MRC2: variants seen among roughly 807,000 people sequenced by gnomAD.
The protein encoded by MRC2 is C-type mannose receptor 2.
In MRC2, 84 loss-of-function variants were observed where a neutral mutation model predicts 206.2. That is an observed-to-expected ratio of 0.41 (90% CI 0.34 to 0.49). The LOEUF (loss-of-function observed/expected upper bound fraction) is 0.49, where lower values mean the gene tolerates loss of function less well. Ranked by LOEUF, MRC2 falls within the 20% of genes least tolerant of loss-of-function variation. The pLI, the probability that MRC2 is intolerant of heterozygous loss-of-function variation, is 0.31. For synonymous variants in MRC2, 798 were observed against 800.0 expected, an observed-to-expected ratio of 1.00 and a Z score of 0.04; for missense variants, 1,676 against 2,001.5, an observed-to-expected ratio of 0.84 and a Z score of 3.10.
Position 62,667,581 on chromosome 17 carries a change from G to T in MRC2, c.1117+48G>T. 1 of 1,556,092 alleles carries T rather than the reference G, an allele frequency of 6.4e-7. No homozygotes were observed. The highest frequency in any genetic ancestry group is 2.1e-5 in the Admixed American group (1 of 47,594). ...GGGTGGGGAGGGGCTCCCAGGGCCA[G>T]GGACACAGCCACAGAGCCGTGGCAG... On this transcript the variant is annotated intron_variant, in intron 6 of 29. Transcript: ENST00000303375. The surrounding 1 kb of genome is among the most constrained non-coding windows in gnomAD (Gnocchi z 4.1).
chr17:62,647,659 T>A (rs2088506654), intron 1 of MRC2, among the ~76,000 whole-genome samples: 1 of 152,238 alleles, frequency 6.6e-6, no homozygotes. Flanking sequence ...TTGTAAATAA[T>A]GCTGTGTGGC....
At chr17:62,662,365 C>T (rs1297757266) in intron 1 of MRC2, among the ~76,000 whole-genome samples, 1 of 152,106 alleles carries the variant, frequency 6.6e-6, no homozygotes, top group East Asian at 1.9e-4. Context: ...GAGATGAGGG[C>T]CACATTTCAG....
chr17:62,633,376 G>A (rs557369011), intron 1 of MRC2, among the ~76,000 whole-genome samples: 49 of 151,762 alleles, frequency 3.2e-4, no homozygotes, highest in Admixed American at 1.8e-3. Flanking sequence ...ATGTGGGGGC[G>A]CCTGTAGTCC....
Position 62,680,439 on chromosome 17 carries a change from A to G in MRC2, c.2459A>G (p.Asp820Gly). 6.2e-7 allele frequency: 1 copy of G among 1,614,024 alleles called. No individual in the cohort carries two copies. The highest frequency in any genetic ancestry group is 8.5e-7 in the Non-Finnish European group (1 of 1,179,994). The change falls in exon 16 of 30, where the codon GAC (aspartate) becomes GGC (glycine). Residue 820 changes from aspartate (D) to glycine (G), a missense_variant. Asp to Gly is a moderately conservative substitution (Grantham distance 94, BLOSUM62 -1). Transcript: ENST00000303375. This position sits in a 1 kb window ranked among gnomAD's most constrained non-coding sequence, Gnocchi z 4.8. Reference protein sequence around the residue: ...IPRGTDVREPDDSPQGRREWL... With the variant: ...IPRGTDVREPGDSPQGRREWL... ...CTAGGTACGGACGTGCGGGAGCCCGACGACAGCCCTCAAGGTGAGCACCCC... is the reference window on the plus strand; with the variant it reads ...CTAGGTACGGACGTGCGGGAGCCCGGCGACAGCCCTCAAGGTGAGCACCCC...
At chr17:62,683,360 C>T (rs1353885263) in intron 20 of MRC2, among the ~76,000 whole-genome samples, 1 of 151,306 alleles carries the variant, frequency 6.6e-6, no homozygotes, top group African/African-American at 2.4e-5. Context: ...CCCAGCTACT[C>T]GGGAGGATGA....
rs72086673 is a variant in MRC2 at position 62,675,097 on chromosome 17, AAG to A, written c.1570-690_1570-689del. Among the ~76,000 whole-genome samples, 2,726 of 152,236 alleles carry A rather than the reference AAG, an allele frequency of 0.018. 80 individuals are homozygous for A. Among genetic ancestry groups the A allele is most frequent in the African/African-American group, 0.061 (2,520 of 41,522 alleles). ...GCCCAGGGGCTGTGTCATGGCTGCGAAGAGGTGAAGGGAGGAGTAGAGAGGAA... is the reference window on the plus strand; with the variant it reads ...GCCCAGGGGCTGTGTCATGGCTGCGAAGGTGAAGGGAGGAGTAGAGAGGAA... On this transcript the variant is annotated intron_variant, in intron 9 of 29. Coordinates refer to ENST00000303375, the MANE Select transcript of MRC2 (RefSeq NM_006039.5). This position sits in a 1 kb window ranked among gnomAD's most constrained non-coding sequence, Gnocchi z 4.1.
At chr17:62,655,721 TAA>T (rs71155946) in intron 1 of MRC2, among the ~76,000 whole-genome samples, 2,593 of 126,134 alleles carry the variant, frequency 0.021, 31 homozygotes, top group Non-Finnish European at 0.032. Flanking sequence ...TCTGTCTCTT[TAA>T]AAAAAAAAAA....
intron 1 of MRC2, among the ~76,000 whole-genome samples, chr17:62,661,005 T>C (rs1484535965): frequency 2.0e-5 from 3 of 152,336 alleles, no homozygotes; most frequent in South Asian, 4.1e-4. Flanking sequence ...CACTTTACGA[T>C]TGGGAGGCCA....
chr17:62,640,685 A>AAT (rs1360307487), intron 1 of MRC2, among the ~76,000 whole-genome samples: 25 of 135,148 alleles, frequency 1.8e-4, no homozygotes, highest in African/African-American at 6.8e-4. Context: ...CTAATATTTA[A>AAT]TTTTTTTTTT....
chr17:62,635,957 T>TTG (rs2088310913), intron 1 of MRC2, among the ~76,000 whole-genome samples: 1 of 151,970 alleles, frequency 6.6e-6, no homozygotes, highest in Non-Finnish European at 1.5e-5. Flanking sequence ...CCGGCTAATT[T>TTG]TTTGTGTTTT....
intron 1 of MRC2, among the ~76,000 whole-genome samples, chr17:62,649,543 A>G (rs192315319): frequency 1.2e-3 from 187 of 152,252 alleles, no homozygotes; most frequent in African/African-American, 4.3e-3. Flanking sequence ...GTGAGCCAAG[A>G]TTTCATCACT....
At chr17:62,654,575 G>A (rs534464757) in intron 1 of MRC2, among the ~76,000 whole-genome samples, 2 of 152,172 alleles carry the variant, frequency 1.3e-5, no homozygotes, top group South Asian at 2.1e-4. Context: ...GGCTGAGTCC[G>A]GGGAAACTGC....
intron 1 of MRC2, among the ~76,000 whole-genome samples, chr17:62,631,532 C>T (rs2084215895): frequency 6.6e-6 from 1 of 152,046 alleles, no homozygotes; most frequent in Non-Finnish European, 1.5e-5. Context: ...TTAGGAAAGC[C>T]TGGGAAATTC....
In MRC2 at chr17:62,680,658, C is replaced by T. The variant is rs1213047492; in HGVS notation, c.2474-142C>T. The T allele has an allele frequency of 3.4e-5, 44 of 1,282,926 alleles. No individual in the cohort carries two copies. The highest frequency in any genetic ancestry group is 4.6e-5 in the Non-Finnish European group (44 of 960,086). The allele number at this position is 1,282,926 out of a possible 1,614,324, so 79.5% of individuals were successfully genotyped here. A position where few individuals can be genotyped will look rare whatever the true frequency, so the allele number is the denominator to read the frequency against. ...GGCAAGCCTGGGGCCTGGGGCCTGG[C>T]ACGGTGCCTGCCTGGGTCCGGTGTG... On this transcript the variant is annotated intron_variant, in intron 16 of 29. Coordinates refer to ENST00000303375, the MANE Select transcript of MRC2 (RefSeq NM_006039.5). The surrounding 1 kb of genome is among the most constrained non-coding windows in gnomAD (Gnocchi z 4.8).
intron 8 of MRC2, 48 bp from the exon 9 acceptor site, chr17:62,674,015 T>G: frequency 7.2e-6 from 10 of 1,389,846 alleles, no homozygotes; most frequent in East Asian, 2.5e-5. Context: ...ATTTGGGAGA[T>G]TTATGGGGAG....
chr17:62,632,504 T>G (rs1199905037), intron 1 of MRC2, among the ~76,000 whole-genome samples: 1 of 152,164 alleles, frequency 6.6e-6, no homozygotes, highest in Non-Finnish European at 1.5e-5. Flanking sequence ...AGGACCAACT[T>G]CTTCCTAGTT....
At chr17:62,636,152 G>C (rs2088315359) in intron 1 of MRC2, among the ~76,000 whole-genome samples, 1 of 151,550 alleles carries the variant, frequency 6.6e-6, no homozygotes, top group Non-Finnish European at 1.5e-5. Context: ...TACTCAGGAG[G>C]CTGAGGCAGG....
At chr17:62,685,853 C>G (rs2089025018) in intron 20 of MRC2, among the ~76,000 whole-genome samples, 1 of 152,122 alleles carries the variant, frequency 6.6e-6, no homozygotes, top group Non-Finnish European at 1.5e-5. Context: ...GTGGAAAGCT[C>G]TGGAAGTATG....
At chr17:62,665,614 C>T (rs1014328229) in intron 2 of MRC2, among the ~76,000 whole-genome samples, 6 of 152,158 alleles carry the variant, frequency 3.9e-5, no homozygotes, top group Non-Finnish European at 8.8e-5. Context: ...TGTCTTAATG[C>T]CTGTCTTGCA....
Sources: allele counts gnomAD v4.1 joint callset (sites outside exome capture counted in the v4.1 genomes callset), GRCh38; gene constraint gnomAD v4.1.1; non-coding constraint Gnocchi (gnomAD v3.1); transcripts MANE v1.5; gene names NCBI Gene and HGNC (gene_info 2026-07-23, HGNC 2026-07-21).